Variants in ORC1 observed in about 807,000 individuals in gnomAD.
The protein encoded by ORC1 is origin recognition complex subunit 1.
In ORC1, 61 loss-of-function variants were observed where a neutral mutation model predicts 98.9. The ratio of observed to expected loss-of-function variants is 0.62; its 90% CI spans 0.50 to 0.76. The LOEUF (loss-of-function observed/expected upper bound fraction) is 0.76, where lower values mean the gene tolerates loss of function less well. Among genes scored for constraint, ORC1 ranks in the 30% least tolerant of loss-of-function variants. The pLI is 0.00. For missense variants in ORC1, 979 were observed against 1,072.2 expected (o/e 0.91, Z 1.21); for synonymous variants, 385 against 406.9 (o/e 0.95, Z 0.65).
At chr1:52,373,448 C>T (rs1363131057) in intron 16 of ORC1, 73 bp from the exon 17 acceptor site, 2 of 1,364,500 alleles carry the variant, frequency 1.5e-6, no homozygotes, top group East Asian at 4.8e-5. Flanking sequence ...TTTCTTTCTT[C>T]ATTTGGGAAA....
In ORC1 at chr1:52,373,064, C is replaced by T; in HGVS notation, c.*117G>A. 9.0e-7 allele frequency: 1 copy of T among 1,105,850 alleles called. No individual in the cohort carries two copies. The highest frequency in any genetic ancestry group is 1.4e-6 in the Non-Finnish European group (1 of 722,866). The allele number at this position is 1,105,850 out of a possible 1,614,324, so 68.5% of individuals were successfully genotyped here. ...GGGGGGTCACCTAAGCCTGAGAAGTCAAGGCTGCAGTGAGCCATGATCGTG... is the reference window on the plus strand; with the variant it reads ...GGGGGGTCACCTAAGCCTGAGAAGTTAAGGCTGCAGTGAGCCATGATCGTG... On this transcript the variant is annotated 3_prime_UTR_variant, in exon 17 of 17. Coordinates refer to ENST00000371568, the MANE Select transcript of ORC1 (RefSeq NM_004153.4).
intron 6 of ORC1, among the ~76,000 whole-genome samples, 190 bp downstream of exon 6, chr1:52,393,253 A>G (rs1483557324): frequency 6.6e-6 from 1 of 152,206 alleles, no homozygotes; most frequent in Non-Finnish European, 1.5e-5. Context: ...ACAGATTCCT[A>G]GGGCCAGTGC....
At chr1:52,378,988 G>A (rs1386738109) in intron 14 of ORC1, among the ~76,000 whole-genome samples, 1 of 151,770 alleles carries the variant, frequency 6.6e-6, no homozygotes, top group African/African-American at 2.4e-5. Context: ...AGCCGAGATT[G>A]TGCCACTGCA....
At chr1:52,396,552 T>A (rs1276375059) in intron 4 of ORC1, among the ~76,000 whole-genome samples, 188 bp from the exon 5 acceptor site, 1 of 152,212 alleles carries the variant, frequency 6.6e-6, no homozygotes, top group Non-Finnish European at 1.5e-5. Context: ...GAATATTTAC[T>A]GAGTATTTAC....
At position 52,402,193 on chromosome 1, in the gene ORC1, T is replaced by C; in HGVS notation, c.31A>G (p.Arg11Gly). MAHYPTRLKTRKTYSWVGRPL... is the reference protein window; with the variant it reads MAHYPTRLKTGKTYSWVGRPL... ...CTGCCAACCCATGAATAAGTTTTTC[T>C]GGTCTTCAGCCTTGTGGGGTAGTGT... Residue 11 changes from arginine to glycine, a missense_variant, in exon 2 of 17, where the codon AGA becomes GGA. By Grantham distance (125) the Arg-to-Gly change is moderately radical (BLOSUM62 -2). Coordinates refer to ENST00000371568, the MANE Select transcript of ORC1 (RefSeq NM_004153.4). 1 of 1,614,240 alleles carries C rather than the reference T, an allele frequency of 6.2e-7. No individual in the cohort carries two copies. Among genetic ancestry groups the C allele is most frequent in the Non-Finnish European group, 8.5e-7 (1 of 1,180,036 alleles).
At chr1:52,393,344 G>A in intron 6 of ORC1, 99 bp downstream of exon 6, 3 of 1,520,390 alleles carry the variant, frequency 2.0e-6, no homozygotes, top group Non-Finnish European at 2.7e-6. Flanking sequence ...CTGTGACATA[G>A]GTTTTTCAAC....
chr1:52,396,356 A>G lies in ORC1; in HGVS notation c.411T>C (p.Pro137=). ...TCGGTACCACATCCTTTGGGGCTAA[A>G]GGTATCACCTGAATTTAGGAAGTAT... is the stretch of plus-strand genomic sequence containing the variant. ...ETIIGLVRVI[P]LAPKDVVPTN... is the part of the protein sequence containing the mutation. The change falls in exon 5 of 17, where the codon CCT becomes CCC. Residue 137 remains proline, a synonymous_variant. Coordinates refer to ENST00000371568, the MANE Select transcript of ORC1 (RefSeq NM_004153.4). 1 of 1,614,168 alleles carries G rather than the reference A, an allele frequency of 6.2e-7. No individual in the cohort carries two copies. The highest frequency in any genetic ancestry group is 8.5e-7 in the Non-Finnish European group (1 of 1,180,016).
chr1:52,382,390 A>G (rs945387173), intron 13 of ORC1, among the ~76,000 whole-genome samples: 5 of 152,126 alleles, frequency 3.3e-5, no homozygotes, highest in African/African-American at 9.7e-5. Context: ...AGTGGGTGAG[A>G]GGATCTTCAG....
intron 6 of ORC1, among the ~76,000 whole-genome samples, chr1:52,392,041 C>T (rs1260695294): frequency 6.6e-6 from 1 of 151,782 alleles, no homozygotes; most frequent in Non-Finnish European, 1.5e-5. Flanking sequence ...ATTAAAACCA[C>T]AATGAAATAC....
rs553105572 is a variant in ORC1 at position 52,403,063 on chromosome 1, T to C, written c.-5-835A>G. Among the ~76,000 whole-genome samples the C allele has an allele frequency of 3.3e-5, 5 of 152,352 alleles. No homozygotes were observed. The South Asian group carries it at 1.0e-3, about 32-fold the overall frequency. On this transcript the variant is annotated intron_variant, in intron 1 of 16. Coordinates refer to ENST00000371568, the MANE Select transcript of ORC1 (RefSeq NM_004153.4). ...CACACTGTGTGAAACTGGATAATGT[T>C]AATATGTAACTGAGAGCTTGCTTTT...
chr1:52,402,022 T>C (rs1647732615), intron 2 of ORC1, 107 bp downstream of exon 2: 13 of 842,698 alleles, frequency 1.5e-5, no homozygotes, highest in Non-Finnish European at 2.6e-5. Context: ...TCTAATCTCC[T>C]GTTCATTCAT....
chr1:52,381,716 G>A lies in ORC1; in HGVS notation c.2059C>T (p.Gln687Ter), dbSNP rs897178070. The change falls in exon 14 of 17, where the codon CAG (glutamine) becomes TAG (stop). Residue 687 changes from glutamine (Q) to a stop codon, truncating the protein, a stop_gained. Transcript: ENST00000371568. LOFTEE classifies it high-confidence loss of function. ...TTGAGCCGGGACCTTAGGATCTGCTGCAGCTGGCTATATGTATAGGGCTGG... is the reference window on the plus strand; with the variant it reads ...TTGAGCCGGGACCTTAGGATCTGCTACAGCTGGCTATATGTATAGGGCTGG... ...CFQPYTYSQL[Q>*]QILRSRLKHL... 6.2e-7 allele frequency: 1 copy of A among 1,613,526 alleles called. No individual in the cohort carries two copies. The highest frequency in any genetic ancestry group is 8.5e-7 in the Non-Finnish European group (1 of 1,179,736).
chr1:52,375,038 C>T (rs1646976459), intron 15 of ORC1, 141 bp from the exon 16 acceptor site: 1 of 668,674 alleles, frequency 1.5e-6, no homozygotes. Context: ...GCAAGGATCT[C>T]CCTGACCCCC....
upstream of ORC1, chr1:52,408,842 G>A (rs1261596832): frequency 8.7e-6 from 8 of 918,662 alleles, no homozygotes; most frequent in African/African-American, 1.7e-5. Flanking sequence ...GTCCCTCATG[G>A]GAGTTTTCAG....
intron 14 of ORC1, among the ~76,000 whole-genome samples, chr1:52,376,513 C>T (rs1167333878): frequency 6.6e-6 from 1 of 151,896 alleles, no homozygotes; most frequent in African/African-American, 2.4e-5. Flanking sequence ...AAAAAAAAAT[C>T]ACTTTCCAAG....
chr1:52,385,737 GAC>G (rs1303610730), intron 9 of ORC1, 113 bp downstream of exon 9: 1 of 758,088 alleles, frequency 1.3e-6, no homozygotes, highest in Non-Finnish European at 2.4e-6. Flanking sequence ...TAAAAGTATA[GAC>G]ACACAGTGTA....
intron 14 of ORC1, among the ~76,000 whole-genome samples, chr1:52,377,643 C>A (rs1349356585): frequency 3.1e-5 from 4 of 129,688 alleles, no homozygotes; most frequent in Non-Finnish European, 6.3e-5. Flanking sequence ...GTATTTCCTA[C>A]AATTCTCAAG....
In ORC1 at chr1:52,396,074, TG is replaced by T. The variant is rs1362231446; in HGVS notation, c.692del (p.Pro231GlnfsTer12). 2 of 1,614,018 alleles carry T rather than the reference TG, an allele frequency of 1.2e-6. No individual in the cohort carries two copies. The highest frequency in any genetic ancestry group is 1.7e-6 in the Non-Finnish European group (2 of 1,180,018). ...CAAGCTCCAGCCTCTTTCTGGCTCTTGGGGTAAGAGGATGGGTAGGAGTTTG... is the reference window on the plus strand; with the variant it reads ...CAAGCTCCAGCCTCTTTCTGGCTCTTGGGTAAGAGGATGGGTAGGAGTTTG... The part of the protein sequence containing the change: ...SRQTPTHPLT[P>X]RARKRLELGN... On this transcript the variant is annotated frameshift_variant, in exon 5 of 17. Transcript: ENST00000371568. LOFTEE classifies it high-confidence loss of function.
At chr1:52,401,543 T>G in intron 2 of ORC1, 54 bp from the exon 3 acceptor site, 1 of 1,602,344 alleles carries the variant, frequency 6.2e-7, no homozygotes, top group Non-Finnish European at 8.5e-7. Flanking sequence ...GGTCAAGCTC[T>G]TCAGATCCCC....
Sources: allele counts gnomAD v4.1 joint callset (sites outside exome capture counted in the v4.1 genomes callset), GRCh38; gene constraint gnomAD v4.1.1; transcripts MANE v1.5; gene names NCBI Gene and HGNC (gene_info 2026-07-23, HGNC 2026-07-21).